Variants in PPP1R9A observed in about 807,000 individuals in gnomAD.
The protein encoded by PPP1R9A is neurabin-1.
PPP1R9A carries 59 observed loss-of-function variants against 141.9 expected under a neutral mutation model. The ratio of observed to expected loss-of-function variants is 0.42; its 90% CI spans 0.34 to 0.52. The LOEUF is 0.52. Ranked by LOEUF, PPP1R9A falls within the 20% of genes least tolerant of loss-of-function variation. PPP1R9A has a pLI of 0.10. For synonymous variants in PPP1R9A, 500 were observed against 569.7 expected (o/e 0.88, Z 1.74); for missense variants, 1,444 against 1,611.9 (o/e 0.90, Z 1.78).
intron 7 of PPP1R9A, among the ~76,000 whole-genome samples, chr7:95,214,985 T>A (rs1792993181): frequency 6.6e-6 from 1 of 151,898 alleles, no homozygotes; most frequent in East Asian, 1.9e-4. Context: ...TTTTAATATA[T>A]ATAAACTTTA....
chr7:95,071,591 A>G (rs1196867245), intron 2 of PPP1R9A, among the ~76,000 whole-genome samples: 1 of 151,984 alleles, frequency 6.6e-6, no homozygotes, highest in African/African-American at 2.4e-5. Context: ...GTCACAAAAT[A>G]GAGTTTACAA....
chr7:95,137,569 A>G (rs1825895545), intron 4 of PPP1R9A, among the ~76,000 whole-genome samples: 1 of 152,184 alleles, frequency 6.6e-6, no homozygotes, highest in African/African-American at 2.4e-5. Context: ...GCAGGTAAAT[A>G]AATGGAAACA....
rs548826281 is a variant in PPP1R9A, at chr7:95,097,922, G to A, written c.1396-13337G>A. ...TGCATATGTTGAGTCTGGCTATGAA[G>A]GTCTGAAATCTGTAGGGCAGGCAGT... On this transcript the variant is annotated intron_variant, in intron 2 of 19. Coordinates refer to ENST00000433360, the MANE Select transcript of PPP1R9A (RefSeq NM_001166160.2). Among the ~76,000 whole-genome samples, 291 of 152,262 alleles carry A rather than the reference G, an allele frequency of 1.9e-3. 2 individuals are homozygous for A. The highest frequency in any genetic ancestry group is 6.5e-3 in the African/African-American group (272 of 41,550).
At chr7:95,051,359 C>A (rs1297610299) in intron 2 of PPP1R9A, among the ~76,000 whole-genome samples, 1 of 152,102 alleles carries the variant, frequency 6.6e-6, no homozygotes, top group Non-Finnish European at 1.5e-5. Context: ...TTCACCAGTA[C>A]CTCACTGTCT....
intron 4 of PPP1R9A, among the ~76,000 whole-genome samples, chr7:95,141,982 A>G (rs1826780974): frequency 6.6e-6 from 1 of 152,094 alleles, no homozygotes; most frequent in Admixed American, 6.6e-5. Context: ...CATATTACCT[A>G]TTCACGAGCA....
At chr7:95,180,734 A>C (rs996929923) in intron 5 of PPP1R9A, among the ~76,000 whole-genome samples, 2 of 152,186 alleles carry the variant, frequency 1.3e-5, no homozygotes, top group East Asian at 3.9e-4. Context: ...TCTCAAAACA[A>C]AAGAAGATAT....
intron 2 of PPP1R9A, among the ~76,000 whole-genome samples, chr7:95,067,939 G>C (rs1205040136): frequency 1.3e-5 from 2 of 152,008 alleles, no homozygotes; most frequent in Non-Finnish European, 2.9e-5. Context: ...CTGGATATGT[G>C]GAAAATTACA....
At chr7:95,286,052 A>G (rs1296907381) in intron 17 of PPP1R9A, among the ~76,000 whole-genome samples, 154 bp from the exon 18 acceptor site, 2 of 152,200 alleles carry the variant, frequency 1.3e-5, no homozygotes, top group African/African-American at 4.8e-5. Context: ...AAGGTGCAGC[A>G]TTCTCAACCG....
Position 94,909,884 on chromosome 7 carries a change from C to A in PPP1R9A, c.-216-14C>A. 5.3e-6 allele frequency: 2 copies of A among 375,500 alleles called. No individual in the cohort carries two copies. The highest frequency in any genetic ancestry group is 9.5e-6 in the Non-Finnish European group (2 of 209,724). 23.3% of individuals were successfully genotyped at this position (375,500 alleles called of 1,614,324 possible). On this transcript the variant is annotated splice_polypyrimidine_tract_variant and intron_variant, in intron 1 of 19. Coordinates refer to ENST00000433360, the MANE Select transcript of PPP1R9A (RefSeq NM_001166160.2). ...AAGTAAATGAATTCAGAAATTCATT[C>A]TTTTCTATTGCAGATGAACCTCTAG...
At chr7:94,953,227 T>A (rs116293322) in intron 2 of PPP1R9A, among the ~76,000 whole-genome samples, 1 of 152,160 alleles carries the variant, frequency 6.6e-6, no homozygotes, top group Non-Finnish European at 1.5e-5. Context: ...CCATTACCCA[T>A]TGCTTGTTTC....
At chr7:95,072,669 T>C (rs1371847514) in intron 2 of PPP1R9A, among the ~76,000 whole-genome samples, 2 of 122,558 alleles carry the variant, frequency 1.6e-5, no homozygotes, top group East Asian at 4.1e-4. Flanking sequence ...ATATATTATA[T>C]ATTATATTAC....
intron 4 of PPP1R9A, among the ~76,000 whole-genome samples, chr7:95,148,358 G>C (rs1828020831): frequency 1.3e-5 from 2 of 152,066 alleles, no homozygotes. Flanking sequence ...TATTAAAAAT[G>C]AGAGAGAAAA....
At chr7:94,969,533 G>A (rs1798623836) in intron 2 of PPP1R9A, among the ~76,000 whole-genome samples, 2 of 151,968 alleles carry the variant, frequency 1.3e-5, no homozygotes, top group Non-Finnish European at 2.9e-5. Flanking sequence ...GTCTCAGTGG[G>A]GCACCTTCCA....
At position 95,006,293 on chromosome 7, in the gene PPP1R9A, C is replaced by T. The variant is rs189524304; in HGVS notation, c.1395+94785C>T. On this transcript the variant is annotated intron_variant, in intron 2 of 19. Coordinates refer to ENST00000433360, the MANE Select transcript of PPP1R9A (RefSeq NM_001166160.2). ...AGTGAAGCCGCACAATCTCCGCTCA[C>T]TATAACCTCCGCCTCCCAGGTTCAA... Among the ~76,000 whole-genome samples the T allele has an allele frequency of 5.0e-3, 767 of 152,104 alleles. 1 individual carries two copies. Among genetic ancestry groups the T allele is most frequent in the Non-Finnish European group, 8.7e-3 (594 of 68,000 alleles).
intron 2 of PPP1R9A, among the ~76,000 whole-genome samples, chr7:95,039,193 A>G (rs950360148): frequency 8.5e-5 from 13 of 152,208 alleles, no homozygotes; most frequent in South Asian, 2.1e-4. Flanking sequence ...ACTGATTAAT[A>G]TATTAAGGAC....
At chr7:95,276,823 A>G (rs928194680) in intron 16 of PPP1R9A, among the ~76,000 whole-genome samples, 6 of 152,226 alleles carry the variant, frequency 3.9e-5, no homozygotes, top group South Asian at 2.1e-4. Context: ...TTGAGCTGCT[A>G]TAGTAATTGG....
intron 4 of PPP1R9A, among the ~76,000 whole-genome samples, chr7:95,128,024 G>A (rs1314755433): frequency 1.3e-5 from 2 of 152,050 alleles, no homozygotes; most frequent in African/African-American, 4.8e-5. Flanking sequence ...GTTTTCTTTT[G>A]GATATCTACC....
intron 16 of PPP1R9A, among the ~76,000 whole-genome samples, chr7:95,274,440 T>C (rs189122305): frequency 3.0e-4 from 45 of 152,360 alleles, no homozygotes; most frequent in African/African-American, 1.0e-3. Context: ...AGCACAAATA[T>C]ATCTATGTGA....
intron 2 of PPP1R9A, among the ~76,000 whole-genome samples, chr7:95,090,396 T>G (rs1454275499): frequency 6.6e-6 from 1 of 152,068 alleles, no homozygotes; most frequent in Non-Finnish European, 1.5e-5. Context: ...TAGACAAATT[T>G]GCTTTTATAG....
Sources: gnomAD v4.1 joint callset for allele counts (sites outside exome capture counted in the v4.1 genomes callset) on GRCh38, gnomAD v4.1.1 for gene constraint, MANE v1.5 for transcripts, NCBI Gene and HGNC (gene_info 2026-07-23, HGNC 2026-07-21) for gene names.